Variants in PPARA observed in about 807,000 individuals in gnomAD.
PPARA encodes peroxisome proliferator activated receptor alpha.
A neutral mutation model predicts 42.2 loss-of-function variants in PPARA; 22 were observed. The observed-to-expected ratio is 0.52, with a 90% CI of 0.37 to 0.74. The LOEUF (loss-of-function observed/expected upper bound fraction) is 0.74, where lower values mean the gene tolerates loss of function less well. Ranked by LOEUF, PPARA falls within the 30% of genes least tolerant of loss-of-function variation. The pLI is 0.00. For synonymous variants in PPARA, 242 were observed against 239.3 expected (o/e 1.01, Z -0.10); for missense variants, 465 against 608.2 (o/e 0.76, Z 2.48).
chr22:46,204,276 T>C lies in PPARA; in HGVS notation c.208+5685T>C, dbSNP rs78638177. Among the ~76,000 whole-genome samples the C allele has an allele frequency of 0.013, 1,987 of 152,362 alleles. 26 individuals are homozygous for C. Among genetic ancestry groups the C allele is most frequent in the Non-Finnish European group, 0.022 (1,474 of 68,040 alleles). ...GAGCATTTAGGTTGTTTCTAGCTTA[T>C]GGCTATTACAAATAAAGCTGCTATG... is the stretch of plus-strand genomic sequence containing the variant. On this transcript the variant is annotated intron_variant, in intron 4 of 8. Transcript: ENST00000407236. This position sits in a 1 kb window ranked among gnomAD's most constrained non-coding sequence, Gnocchi z 5.2.
chr22:46,166,799 C>G (rs780726702), intron 2 of PPARA, among the ~76,000 whole-genome samples: 1 of 152,016 alleles, frequency 6.6e-6, no homozygotes, highest in Non-Finnish European at 1.5e-5. Context: ...CTTAGGATGG[C>G]GACTTTTCCC....
chr22:46,179,397 C>T (rs1929622876), intron 3 of PPARA, among the ~76,000 whole-genome samples: 1 of 151,730 alleles, frequency 6.6e-6, no homozygotes, highest in Admixed American at 6.6e-5. Context: ...TGATTAAATC[C>T]CACATTCATT....
intron 7 of PPARA, among the ~76,000 whole-genome samples, chr22:46,223,895 A>G (rs1257466222): frequency 6.6e-6 from 1 of 150,780 alleles, no homozygotes; most frequent in South Asian, 2.1e-4. Context: ...GGTTGCAGGG[A>G]GCCGAGATCA....
rs1933967472 is a variant in PPARA, at chr22:46,211,859, G to A, written c.209-3314G>A. 6.6e-6 allele frequency among the ~76,000 whole-genome samples: 1 copy of A among 151,964 alleles called. No individual in the cohort carries two copies. Among genetic ancestry groups the A allele is most frequent in the Non-Finnish European group, 1.5e-5 (1 of 68,000 alleles). ...CACCACCACCCCTGGCTAACTTTTT[G>A]TATTTTTACAAAATACAAAAGACGA... is the stretch of plus-strand genomic sequence containing the variant. On this transcript the variant is annotated intron_variant, in intron 4 of 8. Transcript: ENST00000407236. The surrounding 1 kb of genome is among the most constrained non-coding windows in gnomAD (Gnocchi z 4.1).
rs1446906277 is a variant in PPARA at position 46,196,788 on chromosome 22, C to T, written c.-42-1554C>T. 6.6e-6 allele frequency among the ~76,000 whole-genome samples: 1 copy of T among 152,112 alleles called. No homozygotes were observed. Among genetic ancestry groups the T allele is most frequent in the Non-Finnish European group, 1.5e-5 (1 of 68,026 alleles). The stretch of plus-strand genomic sequence containing the variant: ...CCCAGGCTGGTGTGCAGTGGTGCGA[C>T]CTCAGCTCACCGCAACCTCCGCCTC... On this transcript the variant is annotated intron_variant, in intron 3 of 8. Transcript: ENST00000407236. The surrounding 1 kb of genome is among the most constrained non-coding windows in gnomAD (Gnocchi z 5.6).
rs368793890 is a variant in PPARA at position 46,219,812 on chromosome 22, C to T, written c.509C>T (p.Ala170Val). Residue 170 changes from alanine (A) to valine (V), a missense_variant and splice_region_variant, in exon 7 of 9, where the codon GCG becomes GTG. Physicochemically the swap from Ala to Val is moderately conservative, Grantham distance 64. This residue lies in a region of PPARA where 313 missense variants were observed against 469.1 expected (regional missense o/e 0.67). Coordinates refer to ENST00000407236, the MANE Select transcript of PPARA (RefSeq NM_005036.6). This position sits in a 1 kb window ranked among gnomAD's most constrained non-coding sequence, Gnocchi z 4.8. ...KCLSVGMSHN[A>V]IRFGRMPRSE... ...CTGTGTTTCCCCCTCCAAACCCTAG[C>T]GATTCGTTTTGGACGAATGCCAAGA... 22 of 1,614,008 alleles carry T rather than the reference C, an allele frequency of 1.4e-5. No individual in the cohort carries two copies. The highest frequency in any genetic ancestry group is 1.7e-5 in the Admixed American group (1 of 60,000).
intron 6 of PPARA, among the ~76,000 whole-genome samples, 159 bp downstream of exon 6, chr22:46,218,560 G>A (rs747319746): frequency 6.6e-5 from 10 of 152,098 alleles, no homozygotes; most frequent in East Asian, 3.9e-4. Context: ...TCGCCCAGGC[G>A]CGGTGGTTCA....
rs142763954 is a variant in PPARA at position 46,189,855 on chromosome 22, T to C, written c.-42-8487T>C. ...CAAGTAGCTAGGGACTACAGGCACG[T>C]GCCACCACGCCCAGCTAATTTTTGT... On this transcript the variant is annotated intron_variant, in intron 3 of 8. Transcript: ENST00000407236. 4.2e-3 allele frequency among the ~76,000 whole-genome samples: 638 copies of C among 152,128 alleles called. 5 individuals carry two copies. Among genetic ancestry groups the C allele is most frequent in the African/African-American group, 0.015 (610 of 41,496 alleles).
intron 6 of PPARA, 30 bp downstream of exon 6, chr22:46,218,431 A>C (rs775430699): frequency 2.7e-5 from 44 of 1,613,920 alleles, no homozygotes; most frequent in East Asian, 1.1e-4. Context: ...ACATTTTCCC[A>C]GTTCGTTCCT....
At chr22:46,210,139 G>T (rs964015081) in intron 4 of PPARA, among the ~76,000 whole-genome samples, 3 of 151,472 alleles carry the variant, frequency 2.0e-5, no homozygotes, top group African/African-American at 7.3e-5. Flanking sequence ...GAGAAACCCC[G>T]TCTCTACAAA....
In PPARA at chr22:46,214,704, G is replaced by C. The variant is rs1934293971; in HGVS notation, c.209-469G>C. 4.7e-5 allele frequency among the ~76,000 whole-genome samples: 7 copies of C among 150,094 alleles called. No individual in the cohort carries two copies. In the South Asian group the frequency reaches 1.5e-3, roughly 32 times the overall value. On this transcript the variant is annotated intron_variant, in intron 4 of 8. Transcript: ENST00000407236. ...TCCGGAGATGCGTGGGTCCAGAGAT[G>C]TGCGGGTCCAAAGATGTGCAAATCT...
intron 7 of PPARA, among the ~76,000 whole-genome samples, chr22:46,223,035 C>G (rs1874448676): frequency 6.6e-6 from 1 of 152,116 alleles, no homozygotes; most frequent in Admixed American, 6.6e-5. Context: ...TGGCACATGC[C>G]TATAGTCCCC....
chr22:46,191,700 A>G lies in PPARA; in HGVS notation c.-42-6642A>G, dbSNP rs530464704. Among the ~76,000 whole-genome samples, 1 of 152,316 alleles carries G rather than the reference A, an allele frequency of 6.6e-6. No homozygotes were observed. The highest frequency in any genetic ancestry group is 2.1e-4 in the South Asian group (1 of 4,830). On this transcript the variant is annotated intron_variant, in intron 3 of 8. Transcript: ENST00000407236. The surrounding 1 kb of genome is among the most constrained non-coding windows in gnomAD (Gnocchi z 4.6). ...GGCTGCGGCGACAGAGCTGAGGTGA[A>G]TTCTCACAGACCATCACTGGGTTAC...
chr22:46,214,633 C>T (rs985586945), intron 4 of PPARA, among the ~76,000 whole-genome samples: 2 of 142,992 alleles, frequency 1.4e-5, no homozygotes, highest in Non-Finnish European at 3.0e-5. Flanking sequence ...ATGAGCTGAT[C>T]GGAGATGCCC....
chr22:46,163,020 A>G lies in PPARA; in HGVS notation c.-127+11050A>G, dbSNP rs562671204. Among the ~76,000 whole-genome samples, 6 of 152,324 alleles carry G rather than the reference A, an allele frequency of 3.9e-5. No homozygotes were observed. The East Asian group carries it at 9.7e-4, about 25-fold the overall frequency. On this transcript the variant is annotated intron_variant, in intron 2 of 8. Coordinates refer to ENST00000407236, the MANE Select transcript of PPARA (RefSeq NM_005036.6). The surrounding 1 kb of genome is among the most constrained non-coding windows in gnomAD (Gnocchi z 4.9). ...ATTCCCTGCCACTACCAACCACTGC[A>G]TCGCATAACTGGCAGACTCCCAGCT... is the stretch of plus-strand genomic sequence containing the variant.
intron 4 of PPARA, 67 bp downstream of exon 4, chr22:46,198,658 CTTTTTTTTT>C (rs777398787): frequency 1.9e-5 from 16 of 843,756 alleles, no homozygotes; most frequent in East Asian, 3.4e-5. Flanking sequence ...ACTGTTCTCT[CTTTTTTTTT>C]TTTTTTTTTT....
chr22:46,200,268 G>A lies in PPARA; in HGVS notation c.208+1677G>A, dbSNP rs1932780013. On this transcript the variant is annotated intron_variant, in intron 4 of 8. Transcript: ENST00000407236. This position sits in a 1 kb window ranked among gnomAD's most constrained non-coding sequence, Gnocchi z 4.8. ...TTACAGTCATGTTGCTTAATGACAG[G>A]GACAGGTTGTGAGAAATGCATCCTT... Among the ~76,000 whole-genome samples the A allele has an allele frequency of 6.6e-6, 1 of 152,206 alleles. No homozygotes were observed. The highest frequency in any genetic ancestry group is 2.4e-5 in the African/African-American group (1 of 41,464).
rs1569212713 is a variant in PPARA at position 46,191,925 on chromosome 22, C to T, written c.-42-6417C>T. ...TACTAAAAATACAAAAGTAGCCGGG[C>T]GTGGTGGCGCACGCCCGTAGTCCCA... On this transcript the variant is annotated intron_variant, in intron 3 of 8. Coordinates refer to ENST00000407236, the MANE Select transcript of PPARA (RefSeq NM_005036.6). This position sits in a 1 kb window ranked among gnomAD's most constrained non-coding sequence, Gnocchi z 4.6. Among the ~76,000 whole-genome samples the T allele has an allele frequency of 6.6e-6, 1 of 152,094 alleles. No individual in the cohort carries two copies. The highest frequency in any genetic ancestry group is 6.5e-5 in the Admixed American group (1 of 15,276).
chr22:46,199,971 C>G (rs769393884), intron 4 of PPARA, among the ~76,000 whole-genome samples: 40 of 152,186 alleles, frequency 2.6e-4, no homozygotes, highest in Non-Finnish European at 5.9e-5. Context: ...GGTCCGCCTG[C>G]CTCAGCCTCC....
Sources: gnomAD v4.1 joint callset for allele counts (sites outside exome capture counted in the v4.1 genomes callset) on GRCh38, gnomAD v4.1.1 for gene constraint, gnomAD v4.1.1 regional missense constraint, Gnocchi (gnomAD v3.1) non-coding constraint, MANE v1.5 for transcripts, NCBI Gene and HGNC (gene_info 2026-07-23, HGNC 2026-07-21) for gene names.